MAST2: variants seen among roughly 807,000 people sequenced by gnomAD.
MAST2 encodes microtubule-associated serine/threonine-protein kinase 2.
MAST2 carries 70 observed loss-of-function variants against 147.4 expected under a neutral mutation model. The observed-to-expected ratio is 0.47, with a 90% CI of 0.39 to 0.58. The LOEUF (loss-of-function observed/expected upper bound fraction) is 0.58. Among genes scored for constraint, MAST2 ranks in the 20% least tolerant of loss-of-function variants. The probability of loss-of-function intolerance (pLI) is 0.00; values close to 1 mark genes in which losing one functional copy is unlikely to be tolerated. For missense variants in MAST2, 2,080 were observed against 2,302.3 expected (o/e 0.90, Z 1.98); for synonymous variants, 869 against 896.8 (o/e 0.97, Z 0.55).
chr1:45,850,641 G>T (rs1043329937), intron 3 of MAST2, among the ~76,000 whole-genome samples: 1 of 152,094 alleles, frequency 6.6e-6, no homozygotes, highest in South Asian at 2.1e-4. Flanking sequence ...GTGGTGAAAG[G>T]TAGGGTTCCA....
At chr1:45,909,726 C>T (rs923454551) in intron 4 of MAST2, among the ~76,000 whole-genome samples, 10 of 152,180 alleles carry the variant, frequency 6.6e-5, no homozygotes, top group Admixed American at 6.5e-4. Flanking sequence ...CCATGTTGAC[C>T]AGGATGGTCT....
intron 3 of MAST2, among the ~76,000 whole-genome samples, chr1:45,838,208 A>G (rs979023927): frequency 7.2e-6 from 1 of 138,764 alleles, no homozygotes; most frequent in Non-Finnish European, 1.5e-5. Context: ...TGCCAATTAT[A>G]TATATTCTTT....
chr1:45,888,800 G>A (rs1647226871), intron 4 of MAST2, among the ~76,000 whole-genome samples: 1 of 145,658 alleles, frequency 6.9e-6, no homozygotes, highest in African/African-American at 2.5e-5. Context: ...TTCCGCCTCA[G>A]CCTCCCCAGT....
Position 46,030,651 on chromosome 1 carries a change from G to A in MAST2, c.2598G>A (p.Arg866=), listed in dbSNP as rs752077242. 3.1e-6 allele frequency: 5 copies of A among 1,611,768 alleles called. No individual in the cohort carries two copies. In the African/African-American group the frequency reaches 4.0e-5, roughly 13 times the overall value. ...GGCTCTCACTGCTCGAGGAGCGCCG[G>A]ACACCACCCCCGACCAAGCGCAGCC... The part of the protein sequence containing the change: ...MERLSLLEER[R]TPPPTKRSLS... Residue 866 remains arginine (R), a synonymous_variant, in exon 22 of 29, where the codon CGG becomes CGA. Coordinates refer to ENST00000361297, the MANE Select transcript of MAST2 (RefSeq NM_015112.3).
At chr1:45,882,333 A>T in intron 3 of MAST2, 31 bp from the exon 4 acceptor site, 1 of 1,589,556 alleles carries the variant, frequency 6.3e-7, no homozygotes, top group Non-Finnish European at 8.6e-7. Context: ...ATGGGTTCTT[A>T]TTTCTAACTT....
chr1:45,815,468 T>C (rs1376834111), intron 1 of MAST2, among the ~76,000 whole-genome samples: 2 of 152,082 alleles, frequency 1.3e-5, no homozygotes, highest in Non-Finnish European at 2.9e-5. Flanking sequence ...CCGTGACTGG[T>C]CAGACTTTCT....
At position 46,032,354 on chromosome 1, in the gene MAST2, C is replaced by T. The variant is rs761169734; in HGVS notation, c.3364C>T (p.Arg1122Cys). 24 of 1,613,272 alleles carry T rather than the reference C, an allele frequency of 1.5e-5. No individual in the cohort carries two copies. Among genetic ancestry groups the T allele is most frequent in the Middle Eastern group, 1.6e-4 (1 of 6,080 alleles). Reference protein sequence around the residue: ...KKYGFTLRAIRVYMGDSDVYT... With the variant: ...KKYGFTLRAICVYMGDSDVYT... ...GTATGGCTTCACCCTGCGGGCCATT[C>T]GCGTCTACATGGGTGACTCCGATGT... is the stretch of plus-strand genomic sequence containing the variant. The change falls in exon 25 of 29, where the codon CGC becomes TGC. Residue 1122 changes from arginine (R) to cysteine (C), a missense_variant. Arg to Cys is a radical substitution (Grantham distance 180). Coordinates refer to ENST00000361297, the MANE Select transcript of MAST2 (RefSeq NM_015112.3).
chr1:45,844,401 G>C (rs1277465504), intron 3 of MAST2, among the ~76,000 whole-genome samples: 1 of 152,088 alleles, frequency 6.6e-6, no homozygotes, highest in Non-Finnish European at 1.5e-5. Context: ...TCCTGCTTCA[G>C]TTTCCTGAGT....
At chr1:45,949,980 C>A (rs1243714926) in intron 4 of MAST2, among the ~76,000 whole-genome samples, 5 of 152,120 alleles carry the variant, frequency 3.3e-5, no homozygotes, top group East Asian at 3.9e-4. Context: ...AAACCAAATA[C>A]CGCATGTTCT....
intron 1 of MAST2, among the ~76,000 whole-genome samples, chr1:45,812,074 A>G (rs1644319851): frequency 6.6e-6 from 1 of 152,020 alleles, no homozygotes; most frequent in African/African-American, 2.4e-5. Flanking sequence ...GCGGCACAGG[A>G]GCAGTATATT....
chr1:45,861,814 C>T (rs1421481931), intron 3 of MAST2, among the ~76,000 whole-genome samples: 1 of 152,152 alleles, frequency 6.6e-6, no homozygotes, highest in Non-Finnish European at 1.5e-5. Flanking sequence ...CATCTCCTAC[C>T]CACTGGAGTT....
chr1:46,023,377 C>A lies in MAST2; in HGVS notation c.1571+59C>A. The stretch of plus-strand genomic sequence containing the variant: ...AAGCCGGGTCAGCCTTTGATCTCTT[C>A]CATGTGAGAGTGTATGCTGCCCAGT... On this transcript the variant is annotated intron_variant, in intron 14 of 28. Transcript: ENST00000361297. The surrounding 1 kb of genome is among the most constrained non-coding windows in gnomAD (Gnocchi z 4.9). The A allele has an allele frequency of 6.7e-7, 1 of 1,483,972 alleles. No individual in the cohort carries two copies. The highest frequency in any genetic ancestry group is 9.4e-7 in the Non-Finnish European group (1 of 1,062,850). 91.9% of individuals were successfully genotyped at this position (1,483,972 alleles called of 1,614,324 possible).
chr1:45,833,433 G>A (rs1349242519), intron 3 of MAST2, among the ~76,000 whole-genome samples: 1 of 152,086 alleles, frequency 6.6e-6, no homozygotes, highest in Non-Finnish European at 1.5e-5. Context: ...AAAATCTGTT[G>A]TTAACAGTGG....
chr1:46,027,584 C>A, intron 16 of MAST2, 147 bp from the exon 17 acceptor site: 1 of 790,786 alleles, frequency 1.3e-6, no homozygotes, highest in Non-Finnish European at 2.0e-6. Flanking sequence ...CGTGTCCACA[C>A]CTGCCTGTCC....
intron 4 of MAST2, among the ~76,000 whole-genome samples, chr1:45,945,961 A>G (rs953832711): frequency 6.6e-6 from 1 of 152,162 alleles, no homozygotes; most frequent in Non-Finnish European, 1.5e-5. Context: ...CCATTCAGAG[A>G]AAAAAATCTA....
chr1:45,882,404 A>T lies in MAST2; in HGVS notation c.500+9A>T. 5 of 1,605,974 alleles carry T rather than the reference A, an allele frequency of 3.1e-6. No individual in the cohort carries two copies. Among genetic ancestry groups the T allele is most frequent in the Non-Finnish European group, 4.3e-6 (5 of 1,172,770 alleles). ...CCAAGAAGAGGCAGCTTGTAAGTAG[A>T]TGATTATTACCATTATGATTATGAT... is the stretch of plus-strand genomic sequence containing the variant. On this transcript the variant is annotated intron_variant, in intron 4 of 28. Coordinates refer to ENST00000361297, the MANE Select transcript of MAST2 (RefSeq NM_015112.3).
intron 4 of MAST2, among the ~76,000 whole-genome samples, chr1:45,899,312 T>A (rs199714434): frequency 1.4e-5 from 2 of 146,666 alleles, no homozygotes; most frequent in African/African-American, 2.5e-5. Context: ...CTTTTCTTTT[T>A]TTTTTTTTTT....
chr1:46,012,031 A>G (rs1288447401), intron 10 of MAST2, among the ~76,000 whole-genome samples: 1 of 152,224 alleles, frequency 6.6e-6, no homozygotes, highest in Non-Finnish European at 1.5e-5. Context: ...CTACAAAAAT[A>G]CCTTTTTGTG....
chr1:45,941,333 C>T (rs938508405), intron 4 of MAST2, among the ~76,000 whole-genome samples: 7 of 152,110 alleles, frequency 4.6e-5, no homozygotes, highest in Non-Finnish European at 1.0e-4. Flanking sequence ...GATCTCGGCT[C>T]ACTGCAGCCT....
Sources: gnomAD v4.1 joint callset for allele counts (sites outside exome capture counted in the v4.1 genomes callset) on GRCh38, gnomAD v4.1.1 for gene constraint, Gnocchi (gnomAD v3.1) non-coding constraint, MANE v1.5 for transcripts, NCBI Gene and HGNC (gene_info 2026-07-23, HGNC 2026-07-21) for gene names.